The following SOX5 variants were observed in gnomAD, a reference collection of about 807,000 sequenced individuals.
The protein encoded by SOX5 is SRY-box transcription factor 5, also known as transcription factor SOX-5.
Under a neutral mutation model 92.0 loss-of-function variants are expected in SOX5, and 9 were observed. That is an observed-to-expected ratio of 0.10 (90% CI 0.06 to 0.17). The LOEUF (loss-of-function observed/expected upper bound fraction) is 0.17. Ranked by LOEUF, SOX5 falls within the 10% of genes least tolerant of loss-of-function variation. The pLI is 1.00. For synonymous variants in SOX5, 344 were observed against 336.3 expected (o/e 1.02, Z -0.25); for missense variants, 642 against 944.5 (o/e 0.68, Z 4.20).
rs557884539 is a variant in SOX5 at position 24,264,689 on chromosome 12, T to TA, written c.-77+12526dup. On this transcript the variant is annotated intron_variant, in intron 3 of 4. Coordinates refer to the SOX5 transcript ENST00000446891. ...GGGAAAAGGTGGAAATGCAGAGCCT[T>TA]AAAAAATCCCTCTGTAAATGTATCT... 8.7e-4 allele frequency among the ~76,000 whole-genome samples: 132 copies of TA among 152,292 alleles called. 1 individual carries two copies. The highest frequency in any genetic ancestry group is 3.0e-3 in the African/African-American group (126 of 41,550).
intron 4 of SOX5, among the ~76,000 whole-genome samples, chr12:24,155,234 T>C (rs529772396): frequency 2.6e-5 from 4 of 152,224 alleles, no homozygotes; most frequent in Admixed American, 2.6e-4. Context: ...TATGTAGAGA[T>C]GAGAATTTAG....
chr12:24,000,454 AT>A (rs1469845599), intron 4 of SOX5, among the ~76,000 whole-genome samples: 3 of 152,014 alleles, frequency 2.0e-5, no homozygotes, highest in Non-Finnish European at 4.4e-5. Context: ...AAGTCTCTAT[AT>A]TTTAAAAAAA....
At chr12:23,860,745 T>C (rs185916570) in intron 2 of SOX5, among the ~76,000 whole-genome samples, 1 of 151,980 alleles carries the variant, frequency 6.6e-6, no homozygotes, top group Non-Finnish European at 1.5e-5. Context: ...TTATTTCCAG[T>C]GAATGATTAA....
intron 1 of SOX5, among the ~76,000 whole-genome samples, chr12:24,554,052 A>C (rs1321363548): frequency 2.0e-5 from 3 of 152,230 alleles, no homozygotes; most frequent in Non-Finnish European, 4.4e-5. Flanking sequence ...GCAAGAGTAC[A>C]TTGATGAGAC....
chr12:24,492,343 C>T (rs1272880941), intron 1 of SOX5, among the ~76,000 whole-genome samples: 1 of 152,172 alleles, frequency 6.6e-6, no homozygotes, highest in Non-Finnish European at 1.5e-5. Context: ...AAAGTCTCAC[C>T]TTCTTTGGTG....
intron 3 of SOX5, among the ~76,000 whole-genome samples, chr12:23,785,945 C>T (rs1195929783): frequency 1.3e-5 from 2 of 151,674 alleles, no homozygotes; most frequent in African/African-American, 4.8e-5. Flanking sequence ...CATTTTCTTT[C>T]CTTGTTTGGG....
At chr12:24,243,310 T>C (rs137995623) in intron 3 of SOX5, among the ~76,000 whole-genome samples, 5 of 152,180 alleles carry the variant, frequency 3.3e-5, no homozygotes, top group Admixed American at 1.3e-4. Flanking sequence ...ATCTGTAAAG[T>C]TGCATTTGTT....
chr12:24,031,793 G>A (rs1569509514), intron 4 of SOX5, among the ~76,000 whole-genome samples: 1 of 151,894 alleles, frequency 6.6e-6, no homozygotes, highest in South Asian at 2.1e-4. Flanking sequence ...ATTGAGTATG[G>A]CTGGAGATAA....
At chr12:23,982,743 A>G (rs1322818660) in intron 4 of SOX5, among the ~76,000 whole-genome samples, 1 of 152,070 alleles carries the variant, frequency 6.6e-6, no homozygotes, top group Non-Finnish European at 1.5e-5. Context: ...AATAATTTTA[A>G]TAATTTATTT....
intron 11 of SOX5, among the ~76,000 whole-genome samples, chr12:23,562,234 G>A (rs1946339690): frequency 6.6e-6 from 1 of 152,104 alleles, no homozygotes; most frequent in Non-Finnish European, 1.5e-5. Flanking sequence ...CGATAGAATT[G>A]AAATCGTTTC....
chr12:24,539,103 A>G (rs1441737395), intron 1 of SOX5, among the ~76,000 whole-genome samples: 1 of 152,124 alleles, frequency 6.6e-6, no homozygotes. Context: ...TCCCCCCTTT[A>G]AGAAAACAAA....
chr12:24,428,738 A>AAAAAAAAAAAAAAAAC (rs1967038584), intron 1 of SOX5, among the ~76,000 whole-genome samples: 1 of 145,310 alleles, frequency 6.9e-6, no homozygotes, highest in Non-Finnish European at 1.5e-5. Flanking sequence ...AAAAAAAAAA[A>AAAAAAAAAAAAAAAAC]AAAAAAAAAA....
At chr12:24,434,890 T>C (rs1939102910) in intron 1 of SOX5, among the ~76,000 whole-genome samples, 1 of 152,238 alleles carries the variant, frequency 6.6e-6, no homozygotes, top group African/African-American at 2.4e-5. Flanking sequence ...TGGGTATTTC[T>C]TTATAAGCAG....
intron 4 of SOX5, among the ~76,000 whole-genome samples, chr12:23,977,566 G>T (rs1591999388): frequency 6.6e-6 from 1 of 151,754 alleles, no homozygotes; most frequent in East Asian, 1.9e-4. Flanking sequence ...GGGAGGCTGA[G>T]GCACAAGAAT....
intron 14 of SOX5, 124 bp downstream of exon 14, chr12:23,536,329 G>T (rs1940442332): frequency 3.9e-6 from 3 of 760,296 alleles, no homozygotes; most frequent in Non-Finnish European, 6.5e-6. Flanking sequence ...ATTTGTCTCT[G>T]AAAATACTGT....
chr12:24,323,681 A>T (rs1950413607), intron 2 of SOX5, among the ~76,000 whole-genome samples: 1 of 152,152 alleles, frequency 6.6e-6, no homozygotes, highest in Non-Finnish European at 1.5e-5. Context: ...AGAAAAATGC[A>T]AACAGCTTCC....
chr12:24,202,577 T>A (rs181666596), intron 4 of SOX5, among the ~76,000 whole-genome samples: 1 of 152,184 alleles, frequency 6.6e-6, no homozygotes, highest in African/African-American at 2.4e-5. Flanking sequence ...TGAGCCAATA[T>A]TTAGTTGTCA....
chr12:24,351,478 A>G (rs992117395), intron 2 of SOX5, among the ~76,000 whole-genome samples: 2 of 152,248 alleles, frequency 1.3e-5, no homozygotes, highest in African/African-American at 4.8e-5. Context: ...AATCTTTCTA[A>G]GAGGCAGTGC....
At chr12:23,854,394 T>C (rs1011825712) in intron 2 of SOX5, among the ~76,000 whole-genome samples, 6 of 152,058 alleles carry the variant, frequency 3.9e-5, no homozygotes, top group Non-Finnish European at 8.8e-5. Flanking sequence ...TCAGGATATT[T>C]GGGTCAAGGA....
Sources: allele counts gnomAD v4.1 joint callset (sites outside exome capture counted in the v4.1 genomes callset), GRCh38; gene constraint gnomAD v4.1.1; transcripts MANE v1.5; gene names NCBI Gene and HGNC (gene_info 2026-07-23, HGNC 2026-07-21).